The following SAG variants were observed in gnomAD, a reference collection of about 807,000 sequenced individuals.
The protein encoded by SAG is S-arrestin.
Under a neutral mutation model 55.0 loss-of-function variants are expected in SAG, and 45 were observed. That is an observed-to-expected ratio of 0.82 (90% CI 0.64 to 1.05). The LOEUF (loss-of-function observed/expected upper bound fraction) is 1.05, where lower values mean the gene tolerates loss of function less well. Ranked by LOEUF, SAG falls within the 50% of genes least tolerant of loss-of-function variation. SAG has a pLI of 0.00. For synonymous variants in SAG, 189 were observed against 197.4 expected (o/e 0.96, Z 0.36); for missense variants, 455 against 512.1 (o/e 0.89, Z 1.08).
At chr2:233,320,877 G>C in intron 5 of SAG, 54 bp downstream of exon 5, 1 of 1,441,786 alleles carries the variant, frequency 6.9e-7, no homozygotes. Flanking sequence ...ACCTTATCAT[G>C]TGGATGGGGG....
chr2:233,312,146 T>C (rs1402590972), intron 2 of SAG, among the ~76,000 whole-genome samples: 1 of 152,020 alleles, frequency 6.6e-6, no homozygotes, highest in Non-Finnish European at 1.5e-5. Context: ...AACAAATAAG[T>C]ACCGACCTCA....
At chr2:233,335,226 T>C in intron 11 of SAG, 127 bp downstream of exon 11, 1 of 1,244,758 alleles carries the variant, frequency 8.0e-7, no homozygotes, top group Non-Finnish European at 1.1e-6. Context: ...GTGTGTAGTG[T>C]GGAGTGCATA....
intron 4 of SAG, 123 bp downstream of exon 4, chr2:233,318,918 A>G (rs767962540): frequency 5.8e-6 from 5 of 855,754 alleles, no homozygotes; most frequent in African/African-American, 1.7e-5. Flanking sequence ...GCTCTTGCAC[A>G]TGGAACCAGT....
Position 233,316,109 on chromosome 2 carries a change from A to G in SAG, c.110A>G (p.Asp37Gly), listed in dbSNP as rs1299652023. 1 of 1,599,400 alleles carries G rather than the reference A, an allele frequency of 6.3e-7. No individual in the cohort carries two copies. Among genetic ancestry groups the G allele is most frequent in the Admixed American group, 1.7e-5 (1 of 58,492 alleles). Residue 37 changes from aspartate (D) to glycine (G), a missense_variant, in exon 3 of 16, where the codon GAC (aspartate) becomes GGC (glycine). Physicochemically the swap from Asp to Gly is moderately conservative, Grantham distance 94 (BLOSUM62 -1). Coordinates refer to ENST00000409110, the MANE Select transcript of SAG (RefSeq NM_000541.5). ...TIYLGNRDYI[D>G]HVSQVQPVDG... ...TACCTGGGGAACAGAGACTACATAGACCATGTCAGCCAAGTCCAGCCTGTG... is the reference window on the plus strand; with the variant it reads ...TACCTGGGGAACAGAGACTACATAGGCCATGTCAGCCAAGTCCAGCCTGTG...
intron 6 of SAG, among the ~76,000 whole-genome samples, chr2:233,326,059 C>A (rs1330185990): frequency 6.6e-6 from 1 of 152,076 alleles, no homozygotes; most frequent in Non-Finnish European, 1.5e-5. Flanking sequence ...CCCCTCCAGG[C>A]AGTGGTGGAG....
rs112237848 is a variant in SAG, at chr2:233,325,898, C to T, written c.436-1223C>T. ...AACAGGCGTTGGTGTGGCTCAACAA[C>T]GGCCGGCTGATGGCAGGGAAGGATG... On this transcript the variant is annotated intron_variant, in intron 6 of 15. Coordinates refer to ENST00000409110, the MANE Select transcript of SAG (RefSeq NM_000541.5). Among the ~76,000 whole-genome samples the T allele has an allele frequency of 4.2e-3, 646 of 152,196 alleles. 2 individuals carry two copies. The highest frequency in any genetic ancestry group is 0.014 in the African/African-American group (596 of 41,542).
chr2:233,312,292 A>G (rs1050969997), intron 2 of SAG, among the ~76,000 whole-genome samples: 4 of 152,126 alleles, frequency 2.6e-5, no homozygotes, highest in Non-Finnish European at 1.5e-5. Context: ...TCCACTCTGC[A>G]GTCCCCCTCA....
chr2:233,316,241 C>T (rs1700214652), intron 3 of SAG, 106 bp downstream of exon 3: 1 of 643,604 alleles, frequency 1.6e-6, no homozygotes. Flanking sequence ...TAAATAAAGA[C>T]ATGCAAATTA....
chr2:233,325,349 C>G (rs926112668), intron 6 of SAG, among the ~76,000 whole-genome samples: 1 of 113,826 alleles, frequency 8.8e-6, no homozygotes, highest in South Asian at 3.5e-4. Context: ...GAGCAAGACT[C>G]CATCTAAAAA....
intron 9 of SAG, among the ~76,000 whole-genome samples, chr2:233,330,375 C>T (rs1335632229): frequency 6.6e-6 from 1 of 152,122 alleles, no homozygotes; most frequent in African/African-American, 2.4e-5. Flanking sequence ...TGAGCAGTGG[C>T]CCTAGGTGTC....
chr2:233,336,408 G>A (rs1334852721), intron 11 of SAG, among the ~76,000 whole-genome samples: 6 of 151,870 alleles, frequency 4.0e-5, no homozygotes, highest in South Asian at 2.1e-4. Context: ...TCAGCTACTC[G>A]AGAGGCTGAG....
chr2:233,318,831 G>T (rs763075626), intron 4 of SAG, 36 bp downstream of exon 4: 2 of 1,591,722 alleles, frequency 1.3e-6, no homozygotes, highest in East Asian at 2.2e-5. Flanking sequence ...CTGGTTTCTG[G>T]GCGGAGTGGA....
At chr2:233,315,877 A>ATT (rs895328038) in intron 2 of SAG, among the ~76,000 whole-genome samples, 198 bp from the exon 3 acceptor site, 1 of 145,222 alleles carries the variant, frequency 6.9e-6, no homozygotes, top group Admixed American at 6.9e-5. Flanking sequence ...TAATTTTTAT[A>ATT]TTTTTTTTTA....
chr2:233,318,899 A>C (rs749513919), intron 4 of SAG, 104 bp downstream of exon 4: 1 of 971,938 alleles, frequency 1.0e-6, no homozygotes, highest in Non-Finnish European at 1.7e-6. Flanking sequence ...ACAGGAAGGC[A>C]GAGGCAGCGC....
At chr2:233,321,996 C>T (rs1273308912) in intron 5 of SAG, among the ~76,000 whole-genome samples, 1 of 33,292 alleles carries the variant, frequency 3.0e-5, no homozygotes, top group Non-Finnish European at 8.6e-5. Flanking sequence ...TACACACACA[C>T]ACACACACAC....
At chr2:233,328,652 G>A in intron 8 of SAG, 39 bp downstream of exon 8, 2 of 1,573,384 alleles carry the variant, frequency 1.3e-6, no homozygotes, top group South Asian at 2.3e-5. Flanking sequence ...AGGGCAGCAG[G>A]CCTAGGGGCA....
At chr2:233,310,871 C>T (rs1036914365) in intron 2 of SAG, among the ~76,000 whole-genome samples, 1 of 152,090 alleles carries the variant, frequency 6.6e-6, no homozygotes, top group Non-Finnish European at 1.5e-5. Context: ...ACCGTGCCAC[C>T]CAGGAGATCC....
At chr2:233,322,378 T>C (rs1433771203) in intron 5 of SAG, among the ~76,000 whole-genome samples, 2 of 152,154 alleles carry the variant, frequency 1.3e-5, no homozygotes, top group Non-Finnish European at 2.9e-5. Flanking sequence ...TTCAGAACTG[T>C]ATTTTATGAT....
intron 2 of SAG, among the ~76,000 whole-genome samples, 189 bp downstream of exon 2, chr2:233,309,453 G>A (rs775486994): frequency 6.6e-6 from 1 of 152,052 alleles, no homozygotes; most frequent in Non-Finnish European, 1.5e-5. Flanking sequence ...TTCGAGACCA[G>A]CCTGGCCAAC....
Sources: allele counts gnomAD v4.1 joint callset (sites outside exome capture counted in the v4.1 genomes callset), GRCh38; gene constraint gnomAD v4.1.1; transcripts MANE v1.5; gene names NCBI Gene and HGNC (gene_info 2026-07-23, HGNC 2026-07-21).